CAST: variants seen among roughly 807,000 people sequenced by gnomAD.
CAST encodes MIR583 host.
A neutral mutation model predicts 119.6 loss-of-function variants in CAST; 76 were observed. The ratio of observed to expected loss-of-function variants is 0.64; its 90% CI spans 0.53 to 0.77. CAST has a LOEUF of 0.77. CAST is among the 30% of genes least tolerant of loss of function. CAST has a pLI of 0.00. For synonymous variants in CAST, 319 were observed against 331.6 expected (o/e 0.96, Z 0.41); for missense variants, 953 against 946.5 (o/e 1.01, Z -0.09).
the CAST span, among the ~76,000 whole-genome samples, chr5:95,989,793 A>G: frequency 2.0e-5 from 3 of 152,206 alleles, no homozygotes; most frequent in South Asian, 6.2e-4. Context: ...ATCAGGTACT[A>G]TACCATTAGC....
chr5:96,031,633 G>A, the CAST span, among the ~76,000 whole-genome samples: 2 of 152,142 alleles, frequency 1.3e-5, no homozygotes, highest in African/African-American at 2.4e-5. Flanking sequence ...TATTTGGAAA[G>A]TGTAGCAAAA....
chr5:96,186,280 A>T, the CAST span, among the ~76,000 whole-genome samples: 1 of 152,202 alleles, frequency 6.6e-6, no homozygotes, highest in Non-Finnish European at 1.5e-5. Flanking sequence ...ATATAGGATC[A>T]TGTCATCTGC....
chr5:96,310,792 G>A, the CAST span, among the ~76,000 whole-genome samples: 1 of 145,122 alleles, frequency 6.9e-6, no homozygotes, highest in African/African-American at 2.5e-5. Flanking sequence ...TTCTGGTTTT[G>A]TTTATTTGAA....
Position 96,726,723 on chromosome 5 carries a change from T to A in CAST, c.271-71T>A, listed in dbSNP as rs901646203. On this transcript the variant is annotated intron_variant, in intron 4 of 31. Coordinates refer to ENST00000675179, the MANE Select transcript of CAST (RefSeq NM_001750.7). ...AGAATTGATATAATCATTTTAACCC[T>A]TTTTGTACATGTTACTTATTTGACT... The A allele has an allele frequency of 2.8e-6, 3 of 1,057,264 alleles. No individual in the cohort carries two copies. The African/African-American group carries it at 4.8e-5, about 17-fold the overall frequency. The allele number at this position is 1,057,264 out of a possible 1,614,324, so 65.5% of individuals were successfully genotyped here. A position where few individuals can be genotyped will look rare whatever the true frequency, so the allele number is the denominator to read the frequency against.
chr5:96,130,007 A>G, the CAST span, among the ~76,000 whole-genome samples: 1 of 145,690 alleles, frequency 6.9e-6, no homozygotes, highest in Non-Finnish European at 1.5e-5. Flanking sequence ...GCACCAGGTA[A>G]GAAAACACAC....
At chr5:96,481,495 C>T in the CAST span, among the ~76,000 whole-genome samples, 1 of 152,028 alleles carries the variant, frequency 6.6e-6, no homozygotes, top group African/African-American at 2.4e-5. Context: ...GCTTGTGGCC[C>T]AATAAGAAAC....
the CAST span, chr5:96,393,159 C>T: frequency 6.8e-5 from 110 of 1,614,146 alleles, no homozygotes; most frequent in East Asian, 6.9e-4. Flanking sequence ...TCCAGGGCTT[C>T]GTAGAAGTTT....
chr5:96,675,646 CTG>C, intron 2 of CAST, 45 bp downstream of exon 2: 1 of 1,384,332 alleles, frequency 7.2e-7, no homozygotes, highest in Non-Finnish European at 1.0e-6. Context: ...TGCTTTTAAA[CTG>C]TGAAGTTTGC....
At chr5:96,384,594 C>G in the CAST span, among the ~76,000 whole-genome samples, 3 of 152,302 alleles carry the variant, frequency 2.0e-5, no homozygotes, top group Admixed American at 6.5e-5. Flanking sequence ...GGCACTGCAG[C>G]ATTTTCCACT....
chr5:95,965,776 A>G, the CAST span, among the ~76,000 whole-genome samples: 1 of 152,248 alleles, frequency 6.6e-6, no homozygotes, highest in African/African-American at 2.4e-5. Flanking sequence ...TGATAGTTTT[A>G]AAAGTACTTC....
chr5:96,528,142 G>A (rs942360049), upstream of CAST, among the ~76,000 whole-genome samples: 1 of 152,160 alleles, frequency 6.6e-6, no homozygotes, highest in African/African-American at 2.4e-5. Context: ...AACATTCAGA[G>A]AGGCTAAATG....
the CAST span, among the ~76,000 whole-genome samples, chr5:96,102,344 G>A: frequency 6.6e-6 from 1 of 152,106 alleles, no homozygotes; most frequent in Middle Eastern, 3.2e-3. Context: ...GCTCTTCTCC[G>A]AAGTTAAGCC....
chr5:96,545,707 T>TA (rs1298432118), intron 1 of CAST, among the ~76,000 whole-genome samples: 1 of 152,294 alleles, frequency 6.6e-6, no homozygotes, highest in African/African-American at 2.4e-5. Flanking sequence ...CCTCTATCCA[T>TA]ATCACCATGA....
the CAST span, among the ~76,000 whole-genome samples, chr5:96,311,528 A>G: frequency 6.6e-6 from 1 of 152,010 alleles, no homozygotes; most frequent in African/African-American, 2.4e-5. Context: ...ATTGCAATCT[A>G]TATCTCTCTA....
At chr5:96,460,973 C>T in the CAST span, among the ~76,000 whole-genome samples, 2 of 152,006 alleles carry the variant, frequency 1.3e-5, no homozygotes, top group African/African-American at 4.8e-5. Flanking sequence ...AATTTTGGAA[C>T]ATTCATCTCC....
chr5:96,671,304 A>G (rs985840458), intron 1 of CAST, among the ~76,000 whole-genome samples: 7 of 152,138 alleles, frequency 4.6e-5, no homozygotes, highest in African/African-American at 1.2e-4. Context: ...CTAGCTGCCA[A>G]TACAGGACAG....
At chr5:96,597,229 T>C (rs746999234) in intron 1 of CAST, among the ~76,000 whole-genome samples, 9 of 152,242 alleles carry the variant, frequency 5.9e-5, no homozygotes, top group Non-Finnish European at 8.8e-5. Context: ...TTAATTTTCA[T>C]GCATTCTCAA....
At chr5:96,290,125 C>A in the CAST span, among the ~76,000 whole-genome samples, 1 of 152,142 alleles carries the variant, frequency 6.6e-6, no homozygotes, top group Non-Finnish European at 1.5e-5. Flanking sequence ...GTGAAAGAAA[C>A]ATAACCTACA....
the CAST span, among the ~76,000 whole-genome samples, chr5:96,509,216 A>C: frequency 2.6e-5 from 4 of 152,238 alleles, no homozygotes; most frequent in Non-Finnish European, 5.9e-5. Context: ...GAACAGACCC[A>C]GTAAATAGCC....
Sources: allele counts gnomAD v4.1 joint callset (sites outside exome capture counted in the v4.1 genomes callset), GRCh38; gene constraint gnomAD v4.1.1; transcripts MANE v1.5; gene names NCBI Gene and HGNC (gene_info 2026-07-23, HGNC 2026-07-21).